Variants in ZFAND3 observed in about 807,000 individuals in gnomAD.
The protein encoded by ZFAND3 is AN1-type zinc finger protein 3.
In ZFAND3, 10 loss-of-function variants were observed where a neutral mutation model predicts 29.6. That is an observed-to-expected ratio of 0.34 (90% CI 0.21 to 0.57). The LOEUF (loss-of-function observed/expected upper bound fraction) is 0.57, where lower values mean the gene tolerates loss of function less well. ZFAND3 is among the 20% of genes least tolerant of loss of function. The pLI is 0.86. For missense variants in ZFAND3, 230 were observed against 304.5 expected, an observed-to-expected ratio of 0.76 and a Z score of 1.82; for synonymous variants, 128 against 112.6, an observed-to-expected ratio of 1.14 and a Z score of -0.87.
intron 1 of ZFAND3, among the ~76,000 whole-genome samples, chr6:37,918,626 A>G (rs567637303): frequency 6.6e-6 from 1 of 152,288 alleles, no homozygotes; most frequent in Non-Finnish European, 1.5e-5. Context: ...GATAAATCAG[A>G]GCCTCTCTCT....
chr6:37,913,708 C>CTTTTTTTTTTT (rs56045448), intron 1 of ZFAND3, among the ~76,000 whole-genome samples: 1,202 of 112,892 alleles, frequency 0.011, 46 homozygotes, highest in Non-Finnish European at 0.018. Flanking sequence ...CAGCTATATT[C>CTTTTTTTTTTT]TTTTTTTTTT....
intron 2 of ZFAND3, among the ~76,000 whole-genome samples, chr6:38,059,900 C>G (rs894774170): frequency 3.9e-5 from 6 of 152,072 alleles, no homozygotes; most frequent in African/African-American, 1.4e-4. Flanking sequence ...ATAATTCATT[C>G]TCTAATTGTT....
chr6:38,015,529 C>T (rs181173040), intron 2 of ZFAND3, among the ~76,000 whole-genome samples: 169 of 152,286 alleles, frequency 1.1e-3, no homozygotes, highest in African/African-American at 3.4e-3. Flanking sequence ...TAATGGAAAA[C>T]TTAGAAACAA....
intron 5 of ZFAND3, among the ~76,000 whole-genome samples, chr6:38,118,471 C>T (rs370195795): frequency 2.6e-5 from 4 of 151,966 alleles, no homozygotes; most frequent in African/African-American, 9.7e-5. Flanking sequence ...TTTGGTTGTT[C>T]CTCAGTTAGA....
intron 3 of ZFAND3, among the ~76,000 whole-genome samples, chr6:38,067,119 A>G (rs552097050): frequency 2.0e-5 from 3 of 152,358 alleles, no homozygotes; most frequent in African/African-American, 7.2e-5. Flanking sequence ...TATATGCACA[A>G]TCATCCCTCA....
intron 2 of ZFAND3, among the ~76,000 whole-genome samples, chr6:37,930,245 G>A (rs1387865192): frequency 6.6e-6 from 1 of 151,810 alleles, no homozygotes; most frequent in Non-Finnish European, 1.5e-5. Context: ...AACTTTCCTT[G>A]GTTTACTGTT....
intron 1 of ZFAND3, among the ~76,000 whole-genome samples, chr6:37,851,515 C>T (rs1764281803): frequency 7.8e-6 from 1 of 128,804 alleles, no homozygotes; most frequent in African/African-American, 3.3e-5. Flanking sequence ...CCCAGTCTCC[C>T]ACCCTTTCCC....
rs547813637 is a variant in ZFAND3 at position 37,841,237 on chromosome 6, A to G, written c.71+21221A>G. 3.9e-5 allele frequency among the ~76,000 whole-genome samples: 6 copies of G among 152,270 alleles called. No individual in the cohort carries two copies. In the South Asian group the frequency reaches 8.3e-4, roughly 21 times the overall value. On this transcript the variant is annotated intron_variant, in intron 1 of 5. Transcript: ENST00000287218. ...TAATAACTTTATGGAAAGAGAGACT[A>G]TTTCTCTAGTGTCTGATTTTCTCCT...
chr6:38,091,435 G>A (rs1162043643), intron 4 of ZFAND3, among the ~76,000 whole-genome samples: 2 of 149,990 alleles, frequency 1.3e-5, no homozygotes, highest in African/African-American at 4.9e-5. Flanking sequence ...AAAGCATATC[G>A]GGAATTTAAT....
At chr6:37,868,005 A>T (rs1408456264) in intron 1 of ZFAND3, among the ~76,000 whole-genome samples, 1 of 152,186 alleles carries the variant, frequency 6.6e-6, no homozygotes, top group Non-Finnish European at 1.5e-5. Context: ...CCAGTGAGAG[A>T]TAAATAAGCT....
At chr6:38,112,637 A>G (rs1227652696) in intron 4 of ZFAND3, among the ~76,000 whole-genome samples, 4 of 152,226 alleles carry the variant, frequency 2.6e-5, no homozygotes, top group Non-Finnish European at 5.9e-5. Flanking sequence ...TGGGTAGTAG[A>G]TGGTTGCTTT....
chr6:38,046,446 C>G (rs1763906732), intron 2 of ZFAND3, among the ~76,000 whole-genome samples: 1 of 152,108 alleles, frequency 6.6e-6, no homozygotes, highest in Admixed American at 6.5e-5. Context: ...AAGCATATTC[C>G]CAAATGAAAA....
chr6:38,095,709 A>G (rs990031251), intron 4 of ZFAND3, among the ~76,000 whole-genome samples: 4 of 152,178 alleles, frequency 2.6e-5, no homozygotes, highest in African/African-American at 9.7e-5. Flanking sequence ...ATTATGTTGG[A>G]AAATTTGAGT....
chr6:37,971,236 C>A (rs934428238), intron 2 of ZFAND3, among the ~76,000 whole-genome samples: 1 of 152,160 alleles, frequency 6.6e-6, no homozygotes, highest in African/African-American at 2.4e-5. Flanking sequence ...TAAGCCGTCT[C>A]GTGCCCCAGC....
At chr6:37,982,753 AAGT>A (rs1483520071) in intron 2 of ZFAND3, among the ~76,000 whole-genome samples, 1 of 152,150 alleles carries the variant, frequency 6.6e-6, no homozygotes, top group Admixed American at 6.5e-5. Context: ...TTTTTTTAAA[AAGT>A]TAACTGTAAA....
intron 1 of ZFAND3, among the ~76,000 whole-genome samples, chr6:37,921,155 G>C (rs1353704821): frequency 2.0e-5 from 3 of 152,024 alleles, no homozygotes; most frequent in Non-Finnish European, 4.4e-5. Context: ...TGGATTATTA[G>C]AAGAGGTTGA....
intron 2 of ZFAND3, among the ~76,000 whole-genome samples, chr6:37,961,724 T>C (rs1181908076): frequency 6.6e-6 from 1 of 152,212 alleles, no homozygotes; most frequent in Non-Finnish European, 1.5e-5. Context: ...TTTCTAGTAA[T>C]CCAGAGAACT....
chr6:38,024,827 T>G lies in ZFAND3; in HGVS notation c.113-36766T>G, dbSNP rs1763417838. ...AGGAGAGGGAATGGGGAGCAATTGCTTAATGAGTATGGGGATTCCTTTTGG... is the reference window on the plus strand; with the variant it reads ...AGGAGAGGGAATGGGGAGCAATTGCGTAATGAGTATGGGGATTCCTTTTGG... On this transcript the variant is annotated intron_variant, in intron 2 of 5. Transcript: ENST00000287218. 2.6e-5 allele frequency among the ~76,000 whole-genome samples: 4 copies of G among 152,204 alleles called. No homozygotes were observed. The South Asian group carries it at 8.3e-4, about 31-fold the overall frequency.
chr6:37,965,683 T>G (rs56100831), intron 2 of ZFAND3, among the ~76,000 whole-genome samples: 10,046 of 152,236 alleles, frequency 0.066, 413 homozygotes, highest in Non-Finnish European at 0.095. Flanking sequence ...ACAAATCAGC[T>G]GTGCTAAGTA....
Sources: gnomAD v4.1 joint callset for allele counts (sites outside exome capture counted in the v4.1 genomes callset) on GRCh38, gnomAD v4.1.1 for gene constraint, MANE v1.5 for transcripts, NCBI Gene and HGNC (gene_info 2026-07-23, HGNC 2026-07-21) for gene names.